Variants in UNC79 observed in about 807,000 individuals in gnomAD.
UNC79 encodes unc-79 subunit of NALCN channel complex, also known as protein unc-79 homolog.
A neutral mutation model predicts 283.1 loss-of-function variants in UNC79; 37 were observed. The ratio of observed to expected loss-of-function variants is 0.13; its 90% CI spans 0.10 to 0.17. The LOEUF (loss-of-function observed/expected upper bound fraction) is 0.17. UNC79 is among the 10% of genes least tolerant of loss of function. The pLI, the probability that UNC79 is intolerant of heterozygous loss-of-function variation, is 1.00. For missense variants in UNC79, 2,272 were observed against 3,211.1 expected, an observed-to-expected ratio of 0.71 and a Z score of 7.07; for synonymous variants, 1,107 against 1,200.2, an observed-to-expected ratio of 0.92 and a Z score of 1.61.
At chr14:93,530,632 G>A (rs761050084) in intron 10 of UNC79, among the ~76,000 whole-genome samples, 24 of 150,904 alleles carry the variant, frequency 1.6e-4, no homozygotes, top group Non-Finnish European at 3.0e-4. Context: ...AAAACAGGCC[G>A]GGCGCGGTGG....
At chr14:93,483,040 CTT>C (rs1208895908) in intron 4 of UNC79, among the ~76,000 whole-genome samples, 2 of 152,200 alleles carry the variant, frequency 1.3e-5, no homozygotes, top group Admixed American at 6.5e-5. Context: ...AGGCACCACA[CTT>C]TTGCTTTTGC....
intron 1 of UNC79, among the ~76,000 whole-genome samples, chr14:93,454,608 A>G (rs971370622): frequency 6.6e-6 from 1 of 152,210 alleles, no homozygotes; most frequent in Admixed American, 6.5e-5. Context: ...GTAATGTGGA[A>G]ATAATAGCAA....
Position 93,404,486 on chromosome 14 carries a change from T to TAAA in UNC79, c.-350-63179_-350-63177dup, listed in dbSNP as rs34406486. On this transcript the variant is annotated intron_variant, in intron 1 of 49. Transcript: ENST00000256339. Reference sequence around the variant, plus strand: ...GGCTGAATGACAGAGTGAGACCTTCTAAAAAAAATATATATATATATATAT... The same window carrying TAAA: ...GGCTGAATGACAGAGTGAGACCTTCTAAAAAAAAAAATATATATATATATATAT... Among the ~76,000 whole-genome samples, 282 of 52,786 alleles carry TAAA rather than the reference T, an allele frequency of 5.3e-3. 1 individual carries two copies. Among genetic ancestry groups the TAAA allele is most frequent in the South Asian group, 8.5e-3 (16 of 1,876 alleles). The allele number at this position is 52,786 out of a possible 152,430, so 34.6% of individuals were successfully genotyped here.
intron 4 of UNC79, among the ~76,000 whole-genome samples, chr14:93,482,550 T>G (rs998561478): frequency 2.0e-5 from 3 of 152,176 alleles, no homozygotes; most frequent in African/African-American, 7.2e-5. Context: ...TGAGACCGCT[T>G]TTTAATCCAG....
chr14:93,525,043 C>T (rs1022775803), intron 8 of UNC79, among the ~76,000 whole-genome samples: 5 of 152,210 alleles, frequency 3.3e-5, no homozygotes, highest in South Asian at 4.2e-4. Flanking sequence ...AGAGGAGTGC[C>T]GGTAATAACA....
chr14:93,641,507 G>T (rs1015464678), intron 33 of UNC79, among the ~76,000 whole-genome samples: 2 of 152,068 alleles, frequency 1.3e-5, no homozygotes, highest in African/African-American at 4.8e-5. Context: ...ACTAAAATTA[G>T]CCAGGTATGA....
At chr14:93,562,366 G>C (rs1419620119) in intron 14 of UNC79, among the ~76,000 whole-genome samples, 1 of 152,202 alleles carries the variant, frequency 6.6e-6, no homozygotes, top group East Asian at 1.9e-4. Context: ...CCTGCCGGAG[G>C]ACTGGAAGAT....
chr14:93,399,015 C>A (rs1449731130), intron 1 of UNC79, among the ~76,000 whole-genome samples: 2 of 152,064 alleles, frequency 1.3e-5, no homozygotes, highest in Non-Finnish European at 2.9e-5. Context: ...GCTGGGGAGG[C>A]CTCAGGAAAC....
At chr14:93,341,105 T>C (rs2053698654) in intron 1 of UNC79, among the ~76,000 whole-genome samples, 1 of 152,138 alleles carries the variant, frequency 6.6e-6, no homozygotes, top group Non-Finnish European at 1.5e-5. Flanking sequence ...CAGAAATCCA[T>C]TGAAGAATAT....
exon 30 of UNC79, chr14:93,622,766 G>A: frequency 6.2e-7 from 1 of 1,614,180 alleles, no homozygotes. Flanking sequence ...GAAGATTGCT[G>A]TCAGTGCTAT....
At chr14:93,542,331 AT>A (rs2061418254) in intron 13 of UNC79, 134 bp from the exon 14 acceptor site, 2 of 871,018 alleles carry the variant, frequency 2.3e-6, no homozygotes, top group Admixed American at 2.8e-5. Context: ...AGCGATCCCC[AT>A]TTTTAAAACT....
intron 1 of UNC79, among the ~76,000 whole-genome samples, chr14:93,452,375 A>ATTT (rs35284465): frequency 1.2e-4 from 13 of 108,860 alleles, no homozygotes; most frequent in African/African-American, 4.1e-4. Flanking sequence ...GGACTGCATG[A>ATTT]TTTTTTTTTT....
intron 1 of UNC79, among the ~76,000 whole-genome samples, chr14:93,433,168 T>C (rs2055943234): frequency 6.6e-6 from 1 of 152,188 alleles, no homozygotes; most frequent in Admixed American, 6.5e-5. Flanking sequence ...TGCCTCAGAG[T>C]TTCCATCTTT....
intron 44 of UNC79, chr14:93,689,203 C>G: frequency 9.1e-6 from 2 of 219,356 alleles, no homozygotes; most frequent in Middle Eastern, 1.5e-3. Context: ...GGAACAAAAG[C>G]TATAACAGGG....
intron 17 of UNC79, among the ~76,000 whole-genome samples, chr14:93,577,579 A>G (rs568017948): frequency 7.0e-4 from 106 of 152,320 alleles, no homozygotes; most frequent in African/African-American, 2.6e-3. Context: ...GACATGTTTG[A>G]TGGGTTGAAA....
At chr14:93,653,384 C>CT (rs1299622116) in intron 35 of UNC79, among the ~76,000 whole-genome samples, 1 of 151,868 alleles carries the variant, frequency 6.6e-6, no homozygotes, top group Non-Finnish European at 1.5e-5. Context: ...GCCAGTGACA[C>CT]TTTCCTGGGA....
At chr14:93,460,322 A>C (rs1056504551) in intron 1 of UNC79, among the ~76,000 whole-genome samples, 11 of 151,460 alleles carry the variant, frequency 7.3e-5, no homozygotes, top group African/African-American at 2.2e-4. Context: ...AGCCTGACCA[A>C]CATGGTGAAA....
At position 93,617,669 on chromosome 14, in the gene UNC79, A is replaced by G. The variant is rs888828079; in HGVS notation, c.4224+365A>G. ...GTTTATGCCAGATAATTTTCTTGAA[A>G]AGAAATGTAACTATGAACTGGCATG... On this transcript the variant is annotated intron_variant, in intron 28 of 48. Transcript: ENST00000555664. This position sits in a 1 kb window ranked among gnomAD's most constrained non-coding sequence, Gnocchi z 4.5. Among the ~76,000 whole-genome samples, 4 of 152,206 alleles carry G rather than the reference A, an allele frequency of 2.6e-5. No homozygotes were observed. The highest frequency in any genetic ancestry group is 5.9e-5 in the Non-Finnish European group (4 of 68,032).
chr14:93,426,526 G>A (rs1373172896), upstream of UNC79, among the ~76,000 whole-genome samples: 7 of 151,030 alleles, frequency 4.6e-5, no homozygotes, highest in East Asian at 3.9e-4. Flanking sequence ...TGTCTCACAG[G>A]CCCCAGGCTA....
Sources: allele counts gnomAD v4.1 joint callset (sites outside exome capture counted in the v4.1 genomes callset), GRCh38; gene constraint gnomAD v4.1.1; non-coding constraint Gnocchi (gnomAD v3.1); transcripts MANE v1.5; gene names NCBI Gene and HGNC (gene_info 2026-07-23, HGNC 2026-07-21).